The following TAFA4 variants were observed in gnomAD, a reference collection of about 807,000 sequenced individuals.
TAFA4 encodes the protein TAFA chemokine like family member 4.
Under a neutral mutation model 21.1 loss-of-function variants are expected in TAFA4, and 20 were observed. The observed-to-expected ratio is 0.95, with a 90% CI of 0.67 to 1.38. The LOEUF is 1.38. TAFA4 is among the 40% of genes most tolerant of loss of function. The probability of loss-of-function intolerance (pLI) is 0.00; values close to 1 mark genes in which losing one functional copy is unlikely to be tolerated. For synonymous variants in TAFA4, 71 were observed against 67.4 expected, an observed-to-expected ratio of 1.05 and a Z score of -0.26; for missense variants, 211 against 180.9, an observed-to-expected ratio of 1.17 and a Z score of -0.95.
Position 68,787,715 on chromosome 3 carries a change from G to T in TAFA4, c.131-34697C>A, listed in dbSNP as rs140324022. 3.3e-5 allele frequency among the ~76,000 whole-genome samples: 5 copies of T among 152,304 alleles called. No homozygotes were observed. The East Asian group carries it at 9.6e-4, about 29-fold the overall frequency. ...ATTCGCTATGGTACAGTCCCTGACT[G>T]CATCAAATTAAACAAAAGAAGGCAT... On this transcript the variant is annotated intron_variant, in intron 3 of 5. Coordinates refer to ENST00000295569, the MANE Select transcript of TAFA4 (RefSeq NM_182522.5).
At chr3:68,815,421 A>G (rs1703951180) in intron 3 of TAFA4, among the ~76,000 whole-genome samples, 1 of 152,214 alleles carries the variant, frequency 6.6e-6, no homozygotes, top group South Asian at 2.1e-4. Context: ...TCATCTGACA[A>G]AGGGCTAATA....
intron 4 of TAFA4, among the ~76,000 whole-genome samples, chr3:68,752,517 C>G (rs1039851482): frequency 1.3e-5 from 2 of 152,104 alleles, no homozygotes; most frequent in Non-Finnish European, 2.9e-5. Context: ...GAAAGTCATG[C>G]TGCTAATTTT....
intron 3 of TAFA4, among the ~76,000 whole-genome samples, chr3:68,783,109 T>C (rs957806574): frequency 2.6e-5 from 4 of 152,050 alleles, no homozygotes; most frequent in Non-Finnish European, 5.9e-5. Context: ...CTCAGAAAAC[T>C]AGAAATAGAA....
intron 3 of TAFA4, among the ~76,000 whole-genome samples, chr3:68,825,776 C>T (rs921901726): frequency 2.0e-5 from 3 of 152,148 alleles, no homozygotes; most frequent in Non-Finnish European, 4.4e-5. Context: ...ACCATTCTGC[C>T]CTTCTATGCA....
At position 68,752,856 on chromosome 3, in the gene TAFA4, G is replaced by A; in HGVS notation, c.286+7C>T. Reference sequence around the variant, plus strand: ...AATACCAGAGATGCTGACCAGAGAGGTCTTACCTTCAACACAAGAAGGTTG... The same window carrying A: ...AATACCAGAGATGCTGACCAGAGAGATCTTACCTTCAACACAAGAAGGTTG... On this transcript the variant is annotated splice_region_variant and intron_variant, in intron 4 of 5. Transcript: ENST00000295569. 5 of 1,614,032 alleles carry A rather than the reference G, an allele frequency of 3.1e-6. No individual in the cohort carries two copies. The highest frequency in any genetic ancestry group is 1.3e-5 in the African/African-American group (1 of 74,988).
intron 3 of TAFA4, among the ~76,000 whole-genome samples, chr3:68,822,254 T>C (rs1704129676): frequency 6.6e-6 from 1 of 152,232 alleles, no homozygotes; most frequent in South Asian, 2.1e-4. Flanking sequence ...AAGCCAGATA[T>C]AAGCCTAAAT....
chr3:68,733,249 C>CT, intron 5 of TAFA4, 96 bp from the exon 6 acceptor site: 5 of 1,458,562 alleles, frequency 3.4e-6, no homozygotes, highest in Non-Finnish European at 4.7e-6. Context: ...ACTGTGAATA[C>CT]TTTATCAGTT....
intron 4 of TAFA4, among the ~76,000 whole-genome samples, chr3:68,747,245 T>TC (rs2106743445): frequency 2.0e-5 from 3 of 151,202 alleles, no homozygotes; most frequent in Non-Finnish European, 4.4e-5. Flanking sequence ...CTTGTGAGTT[T>TC]TCTCTCTCTC....
chr3:68,781,699 A>G (rs989109291), intron 3 of TAFA4, among the ~76,000 whole-genome samples: 4 of 152,186 alleles, frequency 2.6e-5, no homozygotes, highest in African/African-American at 9.6e-5. Context: ...AAGAATTAAT[A>G]TAAATTCTAC....
intron 3 of TAFA4, among the ~76,000 whole-genome samples, chr3:68,819,951 T>A (rs1008655929): frequency 6.6e-6 from 1 of 152,128 alleles, no homozygotes; most frequent in African/African-American, 2.4e-5. Flanking sequence ...CCAAAGAATA[T>A]GAAACCAGTA....
rs1263728681 is a variant in TAFA4 at position 68,732,687 on chromosome 3, T to C, written c.*455A>G. 6.4e-5 allele frequency: 10 copies of C among 155,708 alleles called. No homozygotes were observed. The highest frequency in any genetic ancestry group is 2.0e-4 in the South Asian group (1 of 4,904). 9.6% of individuals were successfully genotyped at this position (155,708 alleles called of 1,614,324 possible). A position where few individuals can be genotyped will look rare whatever the true frequency, so the allele number is the denominator to read the frequency against. On this transcript the variant is annotated 3_prime_UTR_variant, in exon 6 of 6. Coordinates refer to ENST00000295569, the MANE Select transcript of TAFA4 (RefSeq NM_182522.5). ...ACCAGCTAATCTACATCTGCAAATA[T>C]GTTTTGCCAAAATCTTTTTAGACCC... is the stretch of plus-strand genomic sequence containing the variant.
chr3:68,743,949 G>GTA, intron 4 of TAFA4, among the ~76,000 whole-genome samples: 1 of 152,128 alleles, frequency 6.6e-6, no homozygotes, highest in Non-Finnish European at 1.5e-5. Context: ...CCACAGATTG[G>GTA]TTCCAAGTGG....
chr3:68,773,610 G>C (rs1342891939), intron 3 of TAFA4, among the ~76,000 whole-genome samples: 2 of 152,042 alleles, frequency 1.3e-5, no homozygotes, highest in Non-Finnish European at 2.9e-5. Context: ...GCTATGTAAG[G>C]ATATGACTCA....
At chr3:68,872,525 T>C (rs893943727) in intron 3 of TAFA4, among the ~76,000 whole-genome samples, 2 of 152,070 alleles carry the variant, frequency 1.3e-5, no homozygotes, top group Non-Finnish European at 2.9e-5. Flanking sequence ...AATTTAGTTT[T>C]AGTTCAAAAT....
chr3:68,871,405 G>A lies in TAFA4; in HGVS notation c.130+9325C>T, dbSNP rs570573715. On this transcript the variant is annotated intron_variant, in intron 3 of 5. Transcript: ENST00000295569. ...AGAAGAACAAAGCTAGACCCCTATC[G>A]CTCACTATATACAAAAATCAAATCA... Among the ~76,000 whole-genome samples the A allele has an allele frequency of 6.6e-5, 10 of 151,936 alleles. No individual in the cohort carries two copies. The South Asian group carries it at 1.7e-3, about 25-fold the overall frequency.
chr3:68,811,509 G>A (rs560885899), intron 3 of TAFA4, among the ~76,000 whole-genome samples: 8 of 152,258 alleles, frequency 5.3e-5, no homozygotes, highest in South Asian at 4.1e-4. Context: ...ACCATGGCAC[G>A]AGAACTACAT....
At chr3:68,772,522 A>AC (rs1025534395) in intron 3 of TAFA4, among the ~76,000 whole-genome samples, 11 of 152,158 alleles carry the variant, frequency 7.2e-5, no homozygotes, top group Admixed American at 6.5e-4. Flanking sequence ...CTGCCTATAG[A>AC]CATCAGAACT....
intron 4 of TAFA4, among the ~76,000 whole-genome samples, chr3:68,749,642 C>G (rs1559758341): frequency 6.6e-6 from 1 of 152,174 alleles, no homozygotes; most frequent in Non-Finnish European, 1.5e-5. Flanking sequence ...TGACTTTGAT[C>G]CAATAAACAT....
intron 5 of TAFA4, among the ~76,000 whole-genome samples, chr3:68,736,664 CCT>C (rs957639192): frequency 6.6e-6 from 1 of 152,002 alleles, no homozygotes; most frequent in African/African-American, 2.4e-5. Context: ...TTTTCTAGGA[CCT>C]CTGTCTTACC....
Sources: allele counts gnomAD v4.1 joint callset (sites outside exome capture counted in the v4.1 genomes callset), GRCh38; gene constraint gnomAD v4.1.1; transcripts MANE v1.5; gene names NCBI Gene and HGNC (gene_info 2026-07-23, HGNC 2026-07-21).